The following PTPRD variants were observed in gnomAD, a reference collection of about 807,000 sequenced individuals.
PTPRD encodes the protein protein tyrosine phosphatase receptor type D, also known as receptor-type tyrosine-protein phosphatase delta.
In PTPRD, 34 loss-of-function variants were observed where a neutral mutation model predicts 214.5. That is an observed-to-expected ratio of 0.16 (90% CI 0.12 to 0.21). The LOEUF (loss-of-function observed/expected upper bound fraction) is 0.21. Among genes scored for constraint, PTPRD ranks in the 10% least tolerant of loss-of-function variants. The probability of loss-of-function intolerance (pLI) is 1.00; values close to 1 mark genes in which losing one functional copy is unlikely to be tolerated. For synonymous variants in PTPRD, 1,128 were observed against 845.7 expected (o/e 1.33, Z -5.79); for missense variants, 2,545 against 2,398.7 (o/e 1.06, Z -1.27).
chr9:9,918,771 T>C lies in PTPRD; in HGVS notation c.-368+19736A>G, dbSNP rs78051054. ...CACGTATCTATAGCCATCTGATTTT[T>C]GGCATGGGTATCGAGAATATTCACT... On this transcript the variant is annotated intron_variant, in intron 5 of 45. Transcript: ENST00000381196. 1.8e-3 allele frequency among the ~76,000 whole-genome samples: 278 copies of C among 152,276 alleles called. 3 individuals carry two copies. The East Asian group carries it at 0.04, about 22-fold the overall frequency.
chr9:9,641,419 C>A (rs1177903104), intron 7 of PTPRD, among the ~76,000 whole-genome samples: 1 of 152,088 alleles, frequency 6.6e-6, no homozygotes, highest in Non-Finnish European at 1.5e-5. Flanking sequence ...AGATGATGAG[C>A]AGGCAAAGAT....
In PTPRD at chr9:8,807,597, GC is replaced by G. The variant is rs1274051338; in HGVS notation, c.-103-73652del. On this transcript the variant is annotated intron_variant, in intron 11 of 45. Coordinates refer to ENST00000381196, the MANE Select transcript of PTPRD (RefSeq NM_002839.4). ...GTGAATGGTTAAAGAACTTTGAATA[GC>G]TTTTTTTTTTTTTTTAAGGATTTTG... Among the ~76,000 whole-genome samples the G allele has an allele frequency of 6.1e-3, 908 of 148,534 alleles. 5 individuals are homozygous for G. The highest frequency in any genetic ancestry group is 0.021 in the African/African-American group (850 of 40,198).
chr9:10,553,823 GTAAT>G (rs1185638521), intron 2 of PTPRD, among the ~76,000 whole-genome samples: 2 of 152,116 alleles, frequency 1.3e-5, no homozygotes, highest in Non-Finnish European at 2.9e-5. Context: ...GTCAATGAAT[GTAAT>G]TAATATATGT....
At chr9:10,486,253 G>C (rs373495187) in intron 2 of PTPRD, among the ~76,000 whole-genome samples, 3 of 152,102 alleles carry the variant, frequency 2.0e-5, no homozygotes, top group Admixed American at 6.6e-5. Flanking sequence ...TGAAGTCTTT[G>C]CCCACGCCTA....
intron 39 of PTPRD, among the ~76,000 whole-genome samples, chr9:8,370,213 C>T (rs1290724215): frequency 4.5e-5 from 3 of 66,620 alleles, no homozygotes; most frequent in African/African-American, 8.8e-5. Flanking sequence ...TATATACACA[C>T]ACACACACAC....
chr9:9,732,023 T>C (rs540080746), intron 7 of PTPRD, among the ~76,000 whole-genome samples: 115 of 152,128 alleles, frequency 7.6e-4, no homozygotes, highest in African/African-American at 2.7e-3. Context: ...AACAAAGAGT[T>C]CAAGGACAGG....
intron 9 of PTPRD, among the ~76,000 whole-genome samples, chr9:9,329,528 C>T (rs981028637): frequency 3.9e-5 from 6 of 152,124 alleles, no homozygotes; most frequent in African/African-American, 1.2e-4. Context: ...TTGCTATTCT[C>T]TGTCTGGATA....
intron 5 of PTPRD, chr9:9,803,829 G>A (rs1212429563): frequency 6.6e-6 from 1 of 152,002 alleles, no homozygotes; most frequent in Non-Finnish European, 1.5e-5. Context: ...ATGTTAATGA[G>A]CTTGGAGTAG....
intron 10 of PTPRD, among the ~76,000 whole-genome samples, chr9:9,152,301 T>G (rs2099877522): frequency 1.3e-5 from 2 of 152,198 alleles, no homozygotes; most frequent in South Asian, 4.1e-4. Context: ...CTCATCCTGA[T>G]GCTCTGCTTA....
chr9:9,969,077 C>G (rs2154040219), intron 4 of PTPRD, among the ~76,000 whole-genome samples: 1 of 152,232 alleles, frequency 6.6e-6, no homozygotes, highest in East Asian at 1.9e-4. Flanking sequence ...GTGCCACAGT[C>G]TTTGGTCCTA....
intron 3 of PTPRD, among the ~76,000 whole-genome samples, chr9:10,112,011 G>A (rs2098695573): frequency 6.6e-6 from 1 of 152,196 alleles, no homozygotes; most frequent in Non-Finnish European, 1.5e-5. Context: ...AGGCCTGATT[G>A]ACTGATTGAC....
chr9:9,196,523 G>A (rs73388831), intron 9 of PTPRD, among the ~76,000 whole-genome samples: 410 of 152,188 alleles, frequency 2.7e-3, no homozygotes, highest in African/African-American at 9.6e-3. Context: ...AGTTAGACAG[G>A]TCTAGGATTC....
chr9:9,186,637 T>TCTCTCTCTCTCTGTCTCTCC (rs2099931742), intron 9 of PTPRD, among the ~76,000 whole-genome samples: 2 of 21,080 alleles, frequency 9.5e-5, no homozygotes, highest in East Asian at 1.4e-3. Context: ...TCTCCCTCTC[T>TCTCTCTCTCTCTGTCTCTCC]CTCTCTCTCT....
At chr9:8,716,202 C>A (rs180793380) in intron 12 of PTPRD, among the ~76,000 whole-genome samples, 14 of 152,338 alleles carry the variant, frequency 9.2e-5, no homozygotes, top group Admixed American at 2.0e-4. Flanking sequence ...CCTCTCTCCC[C>A]ACCCTTGGGC....
chr9:8,772,441 G>C (rs561278156), intron 11 of PTPRD, among the ~76,000 whole-genome samples: 2 of 151,972 alleles, frequency 1.3e-5, no homozygotes, highest in African/African-American at 2.4e-5. Context: ...TTGAGACCAA[G>C]AGTTCAAGAC....
intron 14 of PTPRD, among the ~76,000 whole-genome samples, chr9:8,578,551 A>G (rs7023351): frequency 0.46 from 69,476 of 152,062 alleles, 16,738 homozygotes; most frequent in African/African-American, 0.64. Context: ...TGCTCTACCT[A>G]TATGTTAAGA....
chr9:8,555,342 A>G (rs1173955563), intron 14 of PTPRD, among the ~76,000 whole-genome samples: 1 of 152,152 alleles, frequency 6.6e-6, no homozygotes, highest in Non-Finnish European at 1.5e-5. Context: ...AGGAGGACAA[A>G]GCTGCAGTAA....
chr9:10,462,038 T>C (rs979690578), intron 2 of PTPRD, among the ~76,000 whole-genome samples: 7 of 152,150 alleles, frequency 4.6e-5, no homozygotes, highest in Non-Finnish European at 8.8e-5. Context: ...TGTAGGTCAA[T>C]CGATACAAAG....
chr9:9,426,489 T>C (rs2080979008), intron 8 of PTPRD, among the ~76,000 whole-genome samples: 1 of 152,186 alleles, frequency 6.6e-6, no homozygotes, highest in African/African-American at 2.4e-5. Context: ...CGGCAGAGCA[T>C]AGCTGAACAA....
Sources: allele counts gnomAD v4.1 joint callset (sites outside exome capture counted in the v4.1 genomes callset), GRCh38; gene constraint gnomAD v4.1.1; transcripts MANE v1.5; gene names NCBI Gene and HGNC (gene_info 2026-07-23, HGNC 2026-07-21).